SLC25A48: variants seen among roughly 807,000 people sequenced by gnomAD.
SLC25A48 encodes CTC-321K16.1.
Under a neutral mutation model 32.2 loss-of-function variants are expected in SLC25A48, and 29 were observed. The ratio of observed to expected loss-of-function variants is 0.90; its 90% CI spans 0.67 to 1.23. The LOEUF is 1.23. Among genes scored for constraint, SLC25A48 ranks in the 50% most tolerant of loss-of-function variants. The pLI is 0.00. For synonymous variants in SLC25A48, 164 were observed against 172.3 expected, an observed-to-expected ratio of 0.95 and a Z score of 0.38; for missense variants, 399 against 422.7, an observed-to-expected ratio of 0.94 and a Z score of 0.49.
chr5:135,858,805 A>G (rs1760545243), intron 4 of SLC25A48, among the ~76,000 whole-genome samples: 1 of 152,206 alleles, frequency 6.6e-6, no homozygotes, highest in Admixed American at 6.5e-5. Context: ...TGTCCCCAAA[A>G]TGACGTTGTC....
chr5:135,862,991 C>T (rs1760919463), intron 4 of SLC25A48, among the ~76,000 whole-genome samples: 1 of 152,050 alleles, frequency 6.6e-6, no homozygotes, highest in Non-Finnish European at 1.5e-5. Flanking sequence ...CTGGAAGGGG[C>T]AGAAGAGTGG....
intron 3 of SLC25A48, among the ~76,000 whole-genome samples, chr5:135,684,452 G>T (rs1381476808): frequency 6.6e-6 from 1 of 152,186 alleles, no homozygotes; most frequent in Non-Finnish European, 1.5e-5. Context: ...ATTGAGCATA[G>T]GGAGGGAGTA....
chr5:135,654,965 C>T (rs59356627), intron 3 of SLC25A48, among the ~76,000 whole-genome samples: 5,290 of 152,282 alleles, frequency 0.035, 131 homozygotes, highest in African/African-American at 0.057. Context: ...TGTATTGAAA[C>T]GACATCCATC....
chr5:135,767,027 C>A (rs72791307), intron 3 of SLC25A48, among the ~76,000 whole-genome samples: 61,346 of 151,322 alleles, frequency 0.41, 14,252 homozygotes, highest in Non-Finnish European at 0.52. Flanking sequence ...TCCCATATAG[C>A]TTGGTGTGTA....
upstream of SLC25A48, among the ~76,000 whole-genome samples, chr5:135,830,496 C>G (rs1257414556): frequency 6.6e-6 from 1 of 152,238 alleles, no homozygotes; most frequent in Non-Finnish European, 1.5e-5. Flanking sequence ...GCTTCACCCC[C>G]TCACTTCACA....
At chr5:135,764,733 T>C (rs530185468) in intron 3 of SLC25A48, among the ~76,000 whole-genome samples, 22 of 146,920 alleles carry the variant, frequency 1.5e-4, no homozygotes, top group African/African-American at 5.6e-4. Flanking sequence ...TTTGTCTCCA[T>C]ATCACGGGGG....
At chr5:135,777,784 CGG>C (rs55658230) in intron 3 of SLC25A48, among the ~76,000 whole-genome samples, 2,016 of 142,250 alleles carry the variant, frequency 0.014, 32 homozygotes, top group East Asian at 0.039. Context: ...TCCTAATATC[CGG>C]GGGGGGGGGG....
intron 3 of SLC25A48, among the ~76,000 whole-genome samples, chr5:135,727,148 T>A (rs758738650): frequency 1.2e-4 from 18 of 150,884 alleles, no homozygotes; most frequent in Admixed American, 6.0e-4. Context: ...TTAAATTGAA[T>A]TTTTTTTTAC....
In SLC25A48 at chr5:135,742,847, T is replaced by C. The variant is rs569407761; in HGVS notation, c.-520-69676T>C. On this transcript the variant is annotated intron_variant, in intron 3 of 10. Coordinates refer to the SLC25A48 transcript ENST00000646290. ...ATTCTCCACAAGGGTAGGGACTGTC[T>C]GAAGCTTTCAGTGATGTATTCCCAG... 3.3e-5 allele frequency among the ~76,000 whole-genome samples: 5 copies of C among 152,146 alleles called. No homozygotes were observed. The East Asian group carries it at 9.7e-4, about 29-fold the overall frequency.
At chr5:135,755,892 C>T (rs556781634) in intron 3 of SLC25A48, among the ~76,000 whole-genome samples, 44 of 151,856 alleles carry the variant, frequency 2.9e-4, no homozygotes, top group African/African-American at 8.0e-4. Context: ...TTAGTGTCAA[C>T]GCACTATGAT....
intron 3 of SLC25A48, among the ~76,000 whole-genome samples, chr5:135,770,161 A>G (rs1756367746): frequency 6.6e-6 from 1 of 151,694 alleles, no homozygotes; most frequent in East Asian, 1.9e-4. Context: ...CCTAATATTC[A>G]GAAAAGAAGT....
At chr5:135,610,949 A>G (rs977320292) in intron 1 of SLC25A48, among the ~76,000 whole-genome samples, 1 of 152,320 alleles carries the variant, frequency 6.6e-6, no homozygotes, top group African/African-American at 2.4e-5. Flanking sequence ...ATGACAGCCT[A>G]ATAACATAGA....
intron 3 of SLC25A48, among the ~76,000 whole-genome samples, chr5:135,717,930 T>C (rs1759868401): frequency 6.6e-6 from 1 of 152,232 alleles, no homozygotes; most frequent in Admixed American, 6.5e-5. Flanking sequence ...TCCTCTCTGC[T>C]TGTCTCTCAG....
chr5:135,672,755 G>A (rs1167954234), intron 3 of SLC25A48, among the ~76,000 whole-genome samples: 2 of 152,148 alleles, frequency 1.3e-5, no homozygotes, highest in African/African-American at 4.8e-5. Flanking sequence ...CATATTTAAA[G>A]TGTGCAATTT....
intron 3 of SLC25A48, among the ~76,000 whole-genome samples, chr5:135,712,327 A>G (rs1022605738): frequency 2.0e-5 from 3 of 152,162 alleles, no homozygotes; most frequent in Non-Finnish European, 4.4e-5. Flanking sequence ...CTCTACTCCT[A>G]TCATAAAGCG....
chr5:135,871,871 G>A (rs898377068), intron 5 of SLC25A48, 153 bp downstream of exon 5: 11 of 1,510,260 alleles, frequency 7.3e-6, no homozygotes, highest in South Asian at 1.4e-5. Flanking sequence ...CTCTGTCCCC[G>A]GCCCTCTCCC....
chr5:135,592,412 C>A (rs984059089), intron 1 of SLC25A48, among the ~76,000 whole-genome samples: 7 of 152,098 alleles, frequency 4.6e-5, no homozygotes, highest in Admixed American at 4.6e-4. Flanking sequence ...ATGTTCATGC[C>A]TTTGGGATGT....
chr5:135,823,346 C>T (rs1041132132), intron 4 of SLC25A48, among the ~76,000 whole-genome samples: 1 of 152,182 alleles, frequency 6.6e-6, no homozygotes, highest in South Asian at 2.1e-4. Context: ...CTACCTGGCA[C>T]TCTGGGCCAC....
intron 4 of SLC25A48, among the ~76,000 whole-genome samples, chr5:135,821,010 G>C (rs1047848570): frequency 1.3e-5 from 2 of 152,166 alleles, no homozygotes; most frequent in Non-Finnish European, 1.5e-5. Flanking sequence ...GCATTCCAAG[G>C]CTTTCTTGCC....
Sources: allele counts gnomAD v4.1 joint callset (sites outside exome capture counted in the v4.1 genomes callset), GRCh38; gene constraint gnomAD v4.1.1; transcripts MANE v1.5; gene names NCBI Gene and HGNC (gene_info 2026-07-23, HGNC 2026-07-21).